The following NCAPD2 variants were observed in gnomAD, a reference collection of about 807,000 sequenced individuals.
The protein encoded by NCAPD2 is condensin complex subunit 1.
In NCAPD2, 100 loss-of-function variants were observed where a neutral mutation model predicts 164.5. The observed-to-expected ratio is 0.61, with a 90% CI of 0.52 to 0.72. NCAPD2 has a LOEUF of 0.72. Ranked by LOEUF, NCAPD2 falls within the 30% of genes least tolerant of loss-of-function variation. The pLI, the probability that NCAPD2 is intolerant of heterozygous loss-of-function variation, is 0.00. For synonymous variants in NCAPD2, 585 were observed against 642.6 expected, an observed-to-expected ratio of 0.91 and a Z score of 1.36; for missense variants, 1,560 against 1,749.2, an observed-to-expected ratio of 0.89 and a Z score of 1.93.
chr12:6,523,213 T>G, intron 16 of NCAPD2, 49 bp from the exon 17 acceptor site: 1 of 1,581,954 alleles, frequency 6.3e-7, no homozygotes, highest in Middle Eastern at 1.7e-4. Flanking sequence ...GTTTGCCAAG[T>G]TCAGCTTCCC....
intron 6 of NCAPD2, among the ~76,000 whole-genome samples, chr12:6,513,735 T>TTTTTTGC (rs1343281456): frequency 3.2e-5 from 3 of 92,820 alleles, no homozygotes; most frequent in Admixed American, 1.2e-4. Flanking sequence ...TTTTTTTTTG[T>TTTTTTGC]GATGGAGTCT....
intron 17 of NCAPD2, 69 bp downstream of exon 17, chr12:6,523,415 T>TTTTTTG (rs1946286606): frequency 1.5e-6 from 2 of 1,342,026 alleles, no homozygotes; most frequent in African/African-American, 1.5e-5. Flanking sequence ...TTTTTTTTTT[T>TTTTTTG]GAGACGGAGT....
intron 1 of NCAPD2, among the ~76,000 whole-genome samples, chr12:6,494,532 T>A (rs973714903): frequency 2.0e-5 from 3 of 152,214 alleles, no homozygotes; most frequent in Non-Finnish European, 4.4e-5. Context: ...GATAAATAAA[T>A]CATCATTGTT....
chr12:6,527,970 A>G lies in NCAPD2; in HGVS notation c.3022A>G (p.Lys1008Glu), dbSNP rs1441390548. The G allele has an allele frequency of 6.2e-7, 1 of 1,614,134 alleles. No individual in the cohort carries two copies. The highest frequency in any genetic ancestry group is 1.7e-5 in the Admixed American group (1 of 60,006). Reference sequence around the variant, plus strand: ...ACCTGCAGTTACTCTTCCAACAGGCAAACAGACACTGGCTGCCTTTGTTCC... The same window carrying G: ...ACCTGCAGTTACTCTTCCAACAGGCGAACAGACACTGGCTGCCTTTGTTCC... ...GICEMELLDGKQTLAAFVPLL... is the reference protein window; with the variant it reads ...GICEMELLDGEQTLAAFVPLL... The change falls in exon 24 of 32, where the codon AAA becomes GAA. Residue 1008 changes from lysine to glutamate, a missense_variant and splice_region_variant. Lys to Glu is a moderately conservative substitution (Grantham distance 56, BLOSUM62 1). Transcript: ENST00000315579.
rs768938249 is a variant in NCAPD2 at position 6,529,917 on chromosome 12, G to C, written c.3796G>C (p.Val1266Leu). ...GTCCATCTTCAGTGCTTTTTTGTCA[G>C]TTGTAGGCAAGCTGCGACGTGGGGC... is the stretch of plus-strand genomic sequence containing the variant. ...DESIFSAFLS[V>L]VGKLRRGAKP... The change falls in exon 29 of 32, where the codon GTT (valine) becomes CTT (leucine). Residue 1266 changes from valine (V) to leucine (L), a missense_variant. Coordinates refer to ENST00000315579, the MANE Select transcript of NCAPD2 (RefSeq NM_014865.4). 5.6e-6 allele frequency: 9 copies of C among 1,614,208 alleles called. No homozygotes were observed. The highest frequency in any genetic ancestry group is 7.6e-6 in the Non-Finnish European group (9 of 1,180,020).
In NCAPD2 at chr12:6,531,558, C is replaced by T. The variant is rs1254234014; in HGVS notation, c.*146C>T. On this transcript the variant is annotated 3_prime_UTR_variant, in exon 32 of 32. Transcript: ENST00000315579. The surrounding 1 kb of genome is among the most constrained non-coding windows in gnomAD (Gnocchi z 4.1). ...CTGTGGCTCACGCCTGTAATCCCAGCACTTTGCGATACCAAGGCGGGTGGA... is the reference window on the plus strand; with the variant it reads ...CTGTGGCTCACGCCTGTAATCCCAGTACTTTGCGATACCAAGGCGGGTGGA... The T allele has an allele frequency of 6.7e-6, 10 of 1,491,194 alleles. No individual in the cohort carries two copies. The Admixed American group carries it at 2.1e-4, about 31-fold the overall frequency. 92.4% of individuals were successfully genotyped at this position (1,491,194 alleles called of 1,614,324 possible).
Position 6,531,532 on chromosome 12 carries a change from A to G in NCAPD2, c.*120A>G. On this transcript the variant is annotated 3_prime_UTR_variant, in exon 32 of 32. Transcript: ENST00000315579. This position sits in a 1 kb window ranked among gnomAD's most constrained non-coding sequence, Gnocchi z 4.1. The stretch of plus-strand genomic sequence containing the variant: ...TTTTTAAAAAAAAAAAAGGCCGGGC[A>G]CTGTGGCTCACGCCTGTAATCCCAG... 6.6e-7 allele frequency: 1 copy of G among 1,514,588 alleles called. No individual in the cohort carries two copies. Among genetic ancestry groups the G allele is most frequent in the Non-Finnish European group, 8.8e-7 (1 of 1,135,006 alleles). The allele number at this position is 1,514,588 out of a possible 1,614,324, so 93.8% of individuals were successfully genotyped here.
chr12:6,529,783 G>A lies in NCAPD2; in HGVS notation c.3662G>A (p.Arg1221Gln), dbSNP rs199575493. 145 of 1,612,790 alleles carry A rather than the reference G, an allele frequency of 9.0e-5. No individual in the cohort carries two copies. The highest frequency in any genetic ancestry group is 1.1e-4 in the Non-Finnish European group (129 of 1,179,186). ...GCCCTTCCTATCTGCAGAACTGAGC[G>A]GCAGCAGCGAGACCTGGCCTACTGT... is the stretch of plus-strand genomic sequence containing the variant. ...CQRFRTSRTE[R>Q]QQRDLAYCVS... Residue 1221 changes from arginine (R) to glutamine (Q), a missense_variant, in exon 29 of 32, where the codon CGG becomes CAG. Physicochemically the swap from Arg to Gln is conservative, Grantham distance 43 (BLOSUM62 1). Transcript: ENST00000315579.
At chr12:6,508,387 G>A (rs1946116300) in intron 2 of NCAPD2, among the ~76,000 whole-genome samples, 1 of 152,126 alleles carries the variant, frequency 6.6e-6, no homozygotes, top group Admixed American at 6.5e-5. Context: ...CCAAGTTGAA[G>A]GAGATCGCAG....
chr12:6,520,367 C>T (rs1330349923), intron 13 of NCAPD2, among the ~76,000 whole-genome samples: 7 of 151,654 alleles, frequency 4.6e-5, no homozygotes, highest in African/African-American at 9.7e-5. Context: ...TCAGCTCCCT[C>T]GAGTAGCTGA....
intron 13 of NCAPD2, among the ~76,000 whole-genome samples, chr12:6,519,030 C>T (rs1031349532): frequency 4.4e-4 from 65 of 148,460 alleles, no homozygotes; most frequent in Non-Finnish European, 6.3e-4. Flanking sequence ...GGACTACAGG[C>T]GCCCGCCACC....
At chr12:6,512,153 T>TC (rs1426484557) in intron 6 of NCAPD2, among the ~76,000 whole-genome samples, 1 of 150,614 alleles carries the variant, frequency 6.6e-6, no homozygotes, top group Non-Finnish European at 1.5e-5. Flanking sequence ...GCGCCTCTAG[T>TC]CCCAGCTACT....
At chr12:6,512,272 C>CAAA (rs35978725) in intron 6 of NCAPD2, among the ~76,000 whole-genome samples, 2 of 87,348 alleles carry the variant, frequency 2.3e-5, no homozygotes, top group Admixed American at 1.3e-4. Flanking sequence ...ACTCCATCTC[C>CAAA]AAAAAAAAAA....
intron 2 of NCAPD2, among the ~76,000 whole-genome samples, chr12:6,503,787 A>T (rs199917459): frequency 0.029 from 4,149 of 143,876 alleles, 153 homozygotes; most frequent in East Asian, 0.13. Flanking sequence ...TTTTTTTTTT[A>T]AAAAAGATGG....
chr12:6,523,383 A>G (rs1049390645), intron 17 of NCAPD2, 37 bp downstream of exon 17: 1 of 1,380,366 alleles, frequency 7.2e-7, no homozygotes, highest in Non-Finnish European at 1.0e-6. Flanking sequence ...TATTCATTCA[A>G]CAAGTATTTT....
At position 6,514,041 on chromosome 12, in the gene NCAPD2, T is replaced by A. The variant is rs138252248; in HGVS notation, c.588-224T>A. Among the ~76,000 whole-genome samples, 9 of 152,272 alleles carry A rather than the reference T, an allele frequency of 5.9e-5. No individual in the cohort carries two copies. The East Asian group carries it at 1.5e-3, about 26-fold the overall frequency. ...ACTCTATCATATTTTTATGATATAT[T>A]TAGGTTCTTTGTCAGCATCACAACT... On this transcript the variant is annotated intron_variant, in intron 6 of 31. Coordinates refer to ENST00000315579, the MANE Select transcript of NCAPD2 (RefSeq NM_014865.4).
intron 2 of NCAPD2, among the ~76,000 whole-genome samples, chr12:6,508,431 AAATAGT>A (rs2137044426): frequency 6.6e-6 from 1 of 152,360 alleles, no homozygotes; most frequent in East Asian, 1.9e-4. Flanking sequence ...GCAGGAAAAT[AAATAGT>A]AATAGTAATG....
intron 15 of NCAPD2, 45 bp from the exon 16 acceptor site, chr12:6,522,783 G>C (rs372457606): frequency 5.4e-5 from 86 of 1,598,516 alleles, no homozygotes; most frequent in Non-Finnish European, 7.2e-5. Context: ...GGTATTGGGG[G>C]AGTTTTGTGA....
At chr12:6,510,171 T>C in intron 4 of NCAPD2, 38 bp downstream of exon 4, 1 of 1,546,654 alleles carries the variant, frequency 6.5e-7, no homozygotes, top group East Asian at 2.2e-5. Context: ...GGAAGGTGTT[T>C]GTTATCGTTT....
Sources: allele counts gnomAD v4.1 joint callset (sites outside exome capture counted in the v4.1 genomes callset), GRCh38; gene constraint gnomAD v4.1.1; non-coding constraint Gnocchi (gnomAD v3.1); transcripts MANE v1.5; gene names NCBI Gene and HGNC (gene_info 2026-07-23, HGNC 2026-07-21).